The following GABRG3 variants were observed in gnomAD, a reference collection of about 807,000 sequenced individuals.
GABRG3 encodes gamma-aminobutyric acid type A receptor subunit gamma3.
A neutral mutation model predicts 48.8 loss-of-function variants in GABRG3; 25 were observed. The observed-to-expected ratio is 0.51, with a 90% CI of 0.37 to 0.72. The LOEUF (loss-of-function observed/expected upper bound fraction) is 0.72, where lower values mean the gene tolerates loss of function less well. GABRG3 is among the 30% of genes least tolerant of loss of function. The probability of loss-of-function intolerance (pLI) is 0.00; values close to 1 mark genes in which losing one functional copy is unlikely to be tolerated. For missense variants in GABRG3, 394 were observed against 577.9 expected, an observed-to-expected ratio of 0.68 and a Z score of 3.26; for synonymous variants, 227 against 217.6, an observed-to-expected ratio of 1.04 and a Z score of -0.38.
Position 27,527,421 on chromosome 15 carries a change from T to A in GABRG3, c.866-12T>A. ...GCACCCTTTTACAACATGCTACCCG[T>A]CCCCTGTTCAGGCATCACCACGGTG... On this transcript the variant is annotated splice_polypyrimidine_tract_variant and intron_variant, in intron 7 of 9. Transcript: ENST00000615808. 3 of 1,610,922 alleles carry A rather than the reference T, an allele frequency of 1.9e-6. No homozygotes were observed. The highest frequency in any genetic ancestry group is 2.5e-6 in the Non-Finnish European group (3 of 1,178,114).
At chr15:27,114,655 C>T (rs1382605286) in intron 3 of GABRG3, among the ~76,000 whole-genome samples, 2 of 152,170 alleles carry the variant, frequency 1.3e-5, no homozygotes, top group Non-Finnish European at 2.9e-5. Context: ...ATTAAACATC[C>T]TGCTGTGTTT....
chr15:27,494,058 AT>A (rs1029707134), intron 6 of GABRG3, among the ~76,000 whole-genome samples: 2 of 151,900 alleles, frequency 1.3e-5, no homozygotes, highest in African/African-American at 4.8e-5. Context: ...TGATCATATG[AT>A]TTTTTTCTTC....
chr15:27,367,770 T>C (rs1036777923), intron 5 of GABRG3, among the ~76,000 whole-genome samples: 3 of 152,178 alleles, frequency 2.0e-5, no homozygotes, highest in African/African-American at 7.2e-5. Flanking sequence ...ATAATATCTA[T>C]TCTGTGCCAT....
intron 2 of GABRG3, among the ~76,000 whole-genome samples, chr15:27,004,207 C>A (rs1378332115): frequency 6.6e-6 from 1 of 151,202 alleles, no homozygotes; most frequent in East Asian, 2.0e-4. Context: ...GGCTGCCGGG[C>A]GGAGGGGCTC....
At chr15:27,449,281 G>A (rs575034027) in intron 5 of GABRG3, among the ~76,000 whole-genome samples, 25 of 152,210 alleles carry the variant, frequency 1.6e-4, no homozygotes, top group African/African-American at 4.6e-4. Flanking sequence ...ACCTCCTCCC[G>A]CATCCAGGCA....
At chr15:27,029,887 G>C (rs1352799455) in intron 3 of GABRG3, among the ~76,000 whole-genome samples, 3 of 152,190 alleles carry the variant, frequency 2.0e-5, no homozygotes, top group Non-Finnish European at 4.4e-5. Context: ...ATGCTTTGCT[G>C]GGACGCCAGA....
intron 3 of GABRG3, among the ~76,000 whole-genome samples, chr15:27,046,081 C>A (rs1225812203): frequency 2.0e-5 from 3 of 152,072 alleles, no homozygotes; most frequent in East Asian, 3.9e-4. Context: ...TTACATACTT[C>A]TTTTTCTTTT....
chr15:27,025,975 T>G (rs1448720035), intron 2 of GABRG3, among the ~76,000 whole-genome samples: 1 of 152,188 alleles, frequency 6.6e-6, no homozygotes, highest in Non-Finnish European at 1.5e-5. Flanking sequence ...CTCAGCTGTC[T>G]CATTATCAGG....
chr15:27,267,760 A>G (rs1352955233), intron 3 of GABRG3, among the ~76,000 whole-genome samples: 3 of 152,098 alleles, frequency 2.0e-5, no homozygotes, highest in Admixed American at 6.5e-5. Flanking sequence ...TTGACAAATT[A>G]TTTTTCTGCA....
At chr15:27,295,115 C>G (rs1312222370) in intron 3 of GABRG3, 1 of 152,110 alleles carries the variant, frequency 6.6e-6, no homozygotes, top group Non-Finnish European at 1.5e-5. Context: ...AAGAAGCTTT[C>G]TAGAACTAAT....
chr15:27,478,470 C>T (rs538253605), intron 5 of GABRG3, among the ~76,000 whole-genome samples: 2 of 152,292 alleles, frequency 1.3e-5, no homozygotes, highest in East Asian at 3.9e-4. Flanking sequence ...GTCACACCTG[C>T]TACCATTGTT....
chr15:27,226,372 G>A (rs1327467561), intron 3 of GABRG3, among the ~76,000 whole-genome samples: 1 of 152,152 alleles, frequency 6.6e-6, no homozygotes, highest in African/African-American at 2.4e-5. Context: ...TTGTACTCCC[G>A]GTGAGCTTGG....
chr15:27,001,926 G>A (rs1409041794), intron 2 of GABRG3, among the ~76,000 whole-genome samples: 4 of 132,778 alleles, frequency 3.0e-5, no homozygotes, highest in Non-Finnish European at 4.7e-5. Context: ...GTGCAAACTA[G>A]AGTGTTTAGG....
intron 3 of GABRG3, among the ~76,000 whole-genome samples, chr15:27,194,155 G>T (rs1006051863): frequency 3.3e-5 from 5 of 152,138 alleles, no homozygotes; most frequent in Non-Finnish European, 5.9e-5. Flanking sequence ...ACCACATTAA[G>T]TAATGTGTAG....
chr15:26,974,386 T>C lies in GABRG3; in HGVS notation c.54-2616T>C, dbSNP rs923537668. 8.5e-5 allele frequency among the ~76,000 whole-genome samples: 13 copies of C among 152,112 alleles called. No individual in the cohort carries two copies. The highest frequency in any genetic ancestry group is 3.1e-4 in the African/African-American group (13 of 41,406). The stretch of plus-strand genomic sequence containing the variant: ...GTAATTTTTAAAAACTAAGGCTGCG[T>C]ATATAGAGAATGATGAAAAGCTGGT... On this transcript the variant is annotated intron_variant, in intron 1 of 9. Transcript: ENST00000615808. The surrounding 1 kb of genome is among the most constrained non-coding windows in gnomAD (Gnocchi z 4.3).
At chr15:27,265,822 CT>C (rs562913259) in intron 3 of GABRG3, among the ~76,000 whole-genome samples, 1 of 149,224 alleles carries the variant, frequency 6.7e-6, no homozygotes, top group South Asian at 2.1e-4. Flanking sequence ...ATGGATCATG[CT>C]TTTGGTGTTT....
At chr15:27,187,854 T>A (rs1392479313) in intron 3 of GABRG3, among the ~76,000 whole-genome samples, 1 of 151,610 alleles carries the variant, frequency 6.6e-6, no homozygotes, top group Non-Finnish European at 1.5e-5. Context: ...ATTAGGTATA[T>A]CTCCCAATGC....
In GABRG3 at chr15:27,180,254, A is replaced by T. The variant is rs1887886763; in HGVS notation, c.271-146555A>T. ...TAAAGTTTGTAAACCACTGATGTAG[A>T]AGAGGGAGTAGATGTACATTCTGGT... On this transcript the variant is annotated intron_variant, in intron 3 of 9. Coordinates refer to ENST00000615808, the MANE Select transcript of GABRG3 (RefSeq NM_033223.5). This position sits in a 1 kb window ranked among gnomAD's most constrained non-coding sequence, Gnocchi z 4.2. 6.6e-6 allele frequency among the ~76,000 whole-genome samples: 1 copy of T among 152,182 alleles called. No individual in the cohort carries two copies. Among genetic ancestry groups the T allele is most frequent in the South Asian group, 2.1e-4 (1 of 4,828 alleles).
At chr15:27,044,311 G>A (rs1896327215) in intron 3 of GABRG3, among the ~76,000 whole-genome samples, 1 of 152,028 alleles carries the variant, frequency 6.6e-6, no homozygotes, top group South Asian at 2.1e-4. Context: ...AACCAGACAT[G>A]GTTTCTGAAA....
Sources: allele counts gnomAD v4.1 joint callset (sites outside exome capture counted in the v4.1 genomes callset), GRCh38; gene constraint gnomAD v4.1.1; non-coding constraint Gnocchi (gnomAD v3.1); transcripts MANE v1.5; gene names NCBI Gene and HGNC (gene_info 2026-07-23, HGNC 2026-07-21).